RSBN1L: variants seen among roughly 807,000 people sequenced by gnomAD.
The protein encoded by RSBN1L is lysine-specific demethylase RSBN1L.
RSBN1L carries 30 observed loss-of-function variants against 67.7 expected under a neutral mutation model. The ratio of observed to expected loss-of-function variants is 0.44; its 90% confidence interval spans 0.33 to 0.60. The LOEUF (loss-of-function observed/expected upper bound fraction) is 0.60, where lower values mean the gene tolerates loss of function less well. Among genes scored for constraint, RSBN1L ranks in the 20% least tolerant of loss-of-function variants. RSBN1L has a pLI of 0.02. For synonymous variants in RSBN1L, 433 were observed against 387.0 expected, an observed-to-expected ratio of 1.12 and a Z score of -1.39; for missense variants, 992 against 1,031.7, an observed-to-expected ratio of 0.96 and a Z score of 0.53.
chr7:77,699,007 TAAC>T (rs1286775439), intron 1 of RSBN1L, among the ~76,000 whole-genome samples: 7 of 152,198 alleles, frequency 4.6e-5, no homozygotes, highest in African/African-American at 1.7e-4. Flanking sequence ...ATAGCGGTAT[TAAC>T]AAGTGGTATA....
At chr7:77,722,945 A>C (rs562271848) in intron 1 of RSBN1L, among the ~76,000 whole-genome samples, 1 of 149,662 alleles carries the variant, frequency 6.7e-6, no homozygotes, top group South Asian at 2.1e-4. Flanking sequence ...GTAGTATGAA[A>C]TTCTAACATT....
chr7:77,706,587 A>G (rs142765606), intron 1 of RSBN1L, among the ~76,000 whole-genome samples: 1 of 152,322 alleles, frequency 6.6e-6, no homozygotes, highest in African/African-American at 2.4e-5. Flanking sequence ...AATGATTTCT[A>G]AATATAAAAT....
chr7:77,706,918 T>A (rs889237183), intron 1 of RSBN1L, among the ~76,000 whole-genome samples: 2 of 152,198 alleles, frequency 1.3e-5, no homozygotes, highest in Non-Finnish European at 2.9e-5. Flanking sequence ...AAATATATAT[T>A]AATGATACTG....
chr7:77,697,232 C>G (rs924870202), intron 1 of RSBN1L, 177 bp downstream of exon 1: 1 of 583,194 alleles, frequency 1.7e-6, no homozygotes. Flanking sequence ...GGAAATGGAG[C>G]CTGTAATTTC....
intron 2 of RSBN1L, among the ~76,000 whole-genome samples, chr7:77,740,985 C>CTTTT (rs869081974): frequency 1.2e-4 from 12 of 102,930 alleles, no homozygotes; most frequent in African/African-American, 2.2e-4. Flanking sequence ...CTTTTCTTTT[C>CTTTT]TTTTTTTTTT....
chr7:77,728,258 C>T (rs1014428617), intron 1 of RSBN1L, among the ~76,000 whole-genome samples: 1 of 152,052 alleles, frequency 6.6e-6, no homozygotes, highest in African/African-American at 2.4e-5. Context: ...AAAATTTTTG[C>T]TTGTCTGAAT....
chr7:77,703,850 C>G (rs58681415), intron 1 of RSBN1L, among the ~76,000 whole-genome samples: 1 of 151,934 alleles, frequency 6.6e-6, no homozygotes, highest in African/African-American at 2.4e-5. Context: ...AATGCAGTGG[C>G]ACAATCATAG....
intron 1 of RSBN1L, among the ~76,000 whole-genome samples, chr7:77,725,706 C>A (rs1791194262): frequency 6.6e-6 from 1 of 151,838 alleles, no homozygotes; most frequent in Non-Finnish European, 1.5e-5. Flanking sequence ...GTTCTCCTGC[C>A]TCAGCCTCCC....
chr7:77,711,030 A>G (rs1394210618), intron 1 of RSBN1L, among the ~76,000 whole-genome samples: 1 of 152,210 alleles, frequency 6.6e-6, no homozygotes, highest in Non-Finnish European at 1.5e-5. Context: ...GACTTGCAGT[A>G]TATTTCAGCC....
intron 1 of RSBN1L, among the ~76,000 whole-genome samples, chr7:77,730,219 T>C (rs1371707655): frequency 6.6e-6 from 1 of 152,178 alleles, no homozygotes; most frequent in Non-Finnish European, 1.5e-5. Context: ...TTGTATTTAC[T>C]TATTTATGCC....
chr7:77,776,862 A>G (rs1791921422), intron 6 of RSBN1L, among the ~76,000 whole-genome samples: 1 of 151,736 alleles, frequency 6.6e-6, no homozygotes, highest in African/African-American at 2.4e-5. Flanking sequence ...TCCAGTGACA[A>G]TCTCTGTCTT....
chr7:77,726,436 T>C (rs1484600668), intron 1 of RSBN1L, among the ~76,000 whole-genome samples: 2 of 152,180 alleles, frequency 1.3e-5, no homozygotes, highest in Non-Finnish European at 2.9e-5. Flanking sequence ...CCAACTGGGA[T>C]TTGTCTGATG....
rs1790739691 is a variant in RSBN1L, at chr7:77,696,914, G to A, written c.445G>A (p.Ala149Thr). 1.2e-6 allele frequency: 2 copies of A among 1,603,638 alleles called. No homozygotes were observed. The highest frequency in any genetic ancestry group is 8.5e-7 in the Non-Finnish European group (1 of 1,179,472). Residue 149 changes from alanine (A) to threonine (T), a missense_variant, in exon 1 of 8, where the codon GCC becomes ACC. Ala to Thr is a moderately conservative substitution (Grantham distance 58, BLOSUM62 0). Transcript: ENST00000334955. ...PHHLLLPAAA[A>T]AASANAKSRR... ...CCATCTCCTCCTGCCCGCCGCCGCC[G>A]CCGCTGCCTCGGCTAACGCCAAGTC... is the stretch of plus-strand genomic sequence containing the variant.
intron 1 of RSBN1L, among the ~76,000 whole-genome samples, chr7:77,701,285 T>C (rs1303322150): frequency 6.6e-6 from 1 of 152,212 alleles, no homozygotes; most frequent in Non-Finnish European, 1.5e-5. Context: ...CTTGGGACTT[T>C]CCTTAGTTGA....
chr7:77,728,968 A>G (rs1406079797), intron 1 of RSBN1L, among the ~76,000 whole-genome samples: 2 of 152,270 alleles, frequency 1.3e-5, no homozygotes, highest in East Asian at 3.9e-4. Context: ...GGAAGAGTGA[A>G]GCCAGATGGC....
At chr7:77,756,087 G>T (rs373651652) in intron 3 of RSBN1L, among the ~76,000 whole-genome samples, 2 of 152,204 alleles carry the variant, frequency 1.3e-5, no homozygotes, top group South Asian at 2.1e-4. Context: ...GGAAGACAGA[G>T]TAGAGTGAAG....
chr7:77,734,084 C>G (rs1377914361), intron 1 of RSBN1L, among the ~76,000 whole-genome samples: 6 of 152,144 alleles, frequency 3.9e-5, no homozygotes, highest in Non-Finnish European at 7.4e-5. Context: ...TGAGATCGTG[C>G]CACTGCACTC....
chr7:77,751,078 C>A (rs1293361818), intron 3 of RSBN1L, among the ~76,000 whole-genome samples: 1 of 152,134 alleles, frequency 6.6e-6, no homozygotes, highest in Non-Finnish European at 1.5e-5. Flanking sequence ...TCCACATGTA[C>A]CCCGCCCCCA....
intron 5 of RSBN1L, among the ~76,000 whole-genome samples, chr7:77,769,832 A>T (rs1288131338): frequency 6.6e-6 from 1 of 152,204 alleles, no homozygotes; most frequent in African/African-American, 2.4e-5. Flanking sequence ...GCTGGTAGGT[A>T]TGTGAAGAAA....
Sources: allele counts gnomAD v4.1 joint callset (sites outside exome capture counted in the v4.1 genomes callset), GRCh38; gene constraint gnomAD v4.1.1; transcripts MANE v1.5; gene names NCBI Gene and HGNC (gene_info 2026-07-23, HGNC 2026-07-21).